Variants in GNS observed in about 807,000 individuals in gnomAD.
GNS encodes the protein N-acetylglucosamine-6-sulfatase.
A neutral mutation model predicts 69.7 loss-of-function variants in GNS; 40 were observed. The observed-to-expected ratio is 0.57, with a 90% CI of 0.45 to 0.75. The LOEUF (loss-of-function observed/expected upper bound fraction) is 0.75, where lower values mean the gene tolerates loss of function less well. Among genes scored for constraint, GNS ranks in the 30% least tolerant of loss-of-function variants. The pLI is 0.00. For missense variants in GNS, 565 were observed against 685.5 expected, an observed-to-expected ratio of 0.82 and a Z score of 1.96; for synonymous variants, 243 against 251.6, an observed-to-expected ratio of 0.97 and a Z score of 0.32.
Position 64,740,633 on chromosome 12 carries a change from T to C in GNS, c.848A>G (p.Gln283Arg). 6.3e-7 allele frequency: 1 copy of C among 1,577,306 alleles called. No homozygotes were observed. The highest frequency in any genetic ancestry group is 8.7e-7 in the Non-Finnish European group (1 of 1,146,610). Reference sequence around the variant, plus strand: ...TTTCCTAAATGCATTATCTAAAAACTGTATTGAAGAATTAGTCATTGGAGT... The same window carrying C: ...TTTCCTAAATGCATTATCTAAAAACCGTATTGAAGAATTAGTCATTGGAGT... ...AKTPMTNSSI[Q>R]FLDNAFRKRW... Residue 283 changes from glutamine to arginine, a missense_variant, in exon 7 of 14, where the codon CAG becomes CGG. Transcript: ENST00000258145.
intron 9 of GNS, among the ~76,000 whole-genome samples, 155 bp downstream of exon 9, chr12:64,736,848 GA>G (rs1192840057): frequency 4.1e-5 from 6 of 147,634 alleles, no homozygotes; most frequent in Admixed American, 2.7e-4. Context: ...GGAAGTTAAG[GA>G]AAAAAAAAAG....
At chr12:64,727,714 C>A (rs1053264343) in intron 10 of GNS, among the ~76,000 whole-genome samples, 1 of 152,062 alleles carries the variant, frequency 6.6e-6, no homozygotes, top group South Asian at 2.1e-4. Context: ...AAAGAAGATT[C>A]ATGGTGGGAA....
chr12:64,740,616 A>G lies in GNS; in HGVS notation c.865T>C (p.Phe289Leu), dbSNP rs759913513. Residue 289 changes from phenylalanine to leucine, a missense_variant, in exon 7 of 14, where the codon TTT becomes CTT. Physicochemically the swap from Phe to Leu is conservative, Grantham distance 22. Coordinates refer to ENST00000258145, the MANE Select transcript of GNS (RefSeq NM_002076.4). ...AGCAGCAGCTCTTACCTTTTCCTAA[A>G]TGCATTATCTAAAAACTGTATTGAA... ...NSSIQFLDNA[F>L]RKRWQTLLSV... is the part of the protein sequence containing the mutation. 3 of 1,538,366 alleles carry G rather than the reference A, an allele frequency of 2.0e-6. No individual in the cohort carries two copies. The highest frequency in any genetic ancestry group is 1.8e-6 in the Non-Finnish European group (2 of 1,110,842).
chr12:64,757,025 A>T (rs1870272687), intron 1 of GNS, among the ~76,000 whole-genome samples: 1 of 152,142 alleles, frequency 6.6e-6, no homozygotes. Flanking sequence ...CAAAATATTT[A>T]AAAATTAGCT....
At chr12:64,729,390 T>C (rs997762958) in intron 9 of GNS, among the ~76,000 whole-genome samples, 1 of 152,238 alleles carries the variant, frequency 6.6e-6, no homozygotes, top group Non-Finnish European at 1.5e-5. Context: ...GTTGGTCTAA[T>C]TATTTTATAC....
At chr12:64,730,556 T>G (rs1869357314) in intron 9 of GNS, among the ~76,000 whole-genome samples, 1 of 149,952 alleles carries the variant, frequency 6.7e-6, no homozygotes, top group South Asian at 2.2e-4. Flanking sequence ...TTAGTCTAAC[T>G]CTGCAGCTGT....
chr12:64,754,591 A>T (rs1377804848), intron 1 of GNS, among the ~76,000 whole-genome samples: 1 of 152,088 alleles, frequency 6.6e-6, no homozygotes, highest in African/African-American at 2.4e-5. Context: ...AGGGCCACAT[A>T]GGAATTTAGA....
At chr12:64,755,100 C>T (rs1453186892) in intron 1 of GNS, among the ~76,000 whole-genome samples, 1 of 152,002 alleles carries the variant, frequency 6.6e-6, no homozygotes, top group East Asian at 1.9e-4. Flanking sequence ...TAAGGCCATG[C>T]AACAGTCTTT....
At position 64,728,950 on chromosome 12, in the gene GNS, A is replaced by G. The variant is rs761713372; in HGVS notation, c.1200+6T>C. Reference sequence around the variant, plus strand: ...GCTCAGGCCTGATTGAGGGCGCTATACTTACCAAAATGGGCAATAAGGACA... The same window carrying G: ...GCTCAGGCCTGATTGAGGGCGCTATGCTTACCAAAATGGGCAATAAGGACA... On this transcript the variant is annotated splice_donor_region_variant and intron_variant, in intron 10 of 13. Transcript: ENST00000258145. The G allele has an allele frequency of 3.6e-6, 5 of 1,392,082 alleles. No individual in the cohort carries two copies. In the South Asian group the frequency reaches 5.8e-5, roughly 16 times the overall value. 86.2% of individuals were successfully genotyped at this position (1,392,082 alleles called of 1,614,324 possible).
intron 11 of GNS, among the ~76,000 whole-genome samples, chr12:64,721,958 T>C (rs763670719): frequency 6.6e-6 from 1 of 152,132 alleles, no homozygotes; most frequent in Admixed American, 6.5e-5. Flanking sequence ...CTGACAATAA[T>C]TACTTAAAAT....
In GNS at chr12:64,756,761, G is replaced by A. The variant is rs7139322; in HGVS notation, c.192+2324C>T. On this transcript the variant is annotated intron_variant, in intron 1 of 13. Transcript: ENST00000258145. ...ATTAGTGGTAGAATATTCTGAAAAA[G>A]CCTAGAAGAGAAGCCAGAATTCTTG... 10 of 1,483,156 alleles carry A rather than the reference G, an allele frequency of 6.7e-6. No individual in the cohort carries two copies. The Admixed American group carries it at 9.8e-5, about 15-fold the overall frequency. The allele number at this position is 1,483,156 out of a possible 1,614,324, so 91.9% of individuals were successfully genotyped here.
chr12:64,728,165 T>C (rs1456879632), intron 10 of GNS, among the ~76,000 whole-genome samples: 1 of 152,166 alleles, frequency 6.6e-6, no homozygotes, highest in African/African-American at 2.4e-5. Flanking sequence ...CTTCAGGTGA[T>C]CCACCCACCT....
chr12:64,734,989 T>C (rs1409908981), intron 9 of GNS, among the ~76,000 whole-genome samples: 1 of 152,126 alleles, frequency 6.6e-6, no homozygotes, highest in Non-Finnish European at 1.5e-5. Context: ...CAGGTACCTA[T>C]AGTCCTAGCT....
At chr12:64,757,520 A>G (rs1870289904) in intron 1 of GNS, among the ~76,000 whole-genome samples, 2 of 152,324 alleles carry the variant, frequency 1.3e-5, no homozygotes, top group Admixed American at 6.5e-5. Context: ...ATTAAGACCA[A>G]TGTCAACATG....
At position 64,759,354 on chromosome 12, in the gene GNS, C is replaced by A; in HGVS notation, c.-78G>T. 1 of 982,446 alleles carries A rather than the reference C, an allele frequency of 1.0e-6. No individual in the cohort carries two copies. The highest frequency in any genetic ancestry group is 1.5e-6 in the Non-Finnish European group (1 of 685,362). The allele number at this position is 982,446 out of a possible 1,614,324, so 60.9% of individuals were successfully genotyped here. A position where few individuals can be genotyped will look rare whatever the true frequency, so the allele number is the denominator to read the frequency against. On this transcript the variant is annotated 5_prime_UTR_variant, in exon 1 of 14. Transcript: ENST00000258145. ...AGGTAGCTGAAGGGCGAGAGGCCGA[C>A]CAGCCGAAGGAATAAAAAGCCGTGC...
intron 2 of GNS, among the ~76,000 whole-genome samples, 182 bp downstream of exon 2, chr12:64,752,516 A>T (rs1870111168): frequency 6.6e-6 from 1 of 152,228 alleles, no homozygotes; most frequent in South Asian, 2.1e-4. Context: ...ATCTGCAATT[A>T]ATCTTCAATT....
chr12:64,725,470 T>C (rs1447582627), intron 10 of GNS, among the ~76,000 whole-genome samples: 4 of 152,204 alleles, frequency 2.6e-5, no homozygotes, highest in East Asian at 1.9e-4. Flanking sequence ...ACTGAGCACA[T>C]GATGTGCAGC....
In GNS at chr12:64,716,353, A is replaced by C. The variant is rs1868857443; in HGVS notation, c.*388T>G. 1 of 290,126 alleles carries C rather than the reference A, an allele frequency of 3.4e-6. No individual in the cohort carries two copies. The highest frequency in any genetic ancestry group is 2.2e-5 in the African/African-American group (1 of 46,480). 18.0% of individuals were successfully genotyped at this position (290,126 alleles called of 1,614,324 possible). ...GACTTTAGGTCAAGCTTACATATCA[A>C]AAGGTGTGTCTGTGTGTTTGTGTGT... On this transcript the variant is annotated 3_prime_UTR_variant, in exon 14 of 14. Transcript: ENST00000258145.
Position 64,745,045 on chromosome 12 carries a change from A to G in GNS, c.526-138T>C, listed in dbSNP as rs960618518. 1.4e-4 allele frequency: 93 copies of G among 648,988 alleles called. No individual in the cohort carries two copies. The African/African-American group carries it at 1.6e-3, about 11-fold the overall frequency. 40.2% of individuals were successfully genotyped at this position (648,988 alleles called of 1,614,324 possible). On this transcript the variant is annotated intron_variant, in intron 4 of 13. Transcript: ENST00000258145. ...ATTACTCAAGTCAATACTGAATTGG[A>G]TTTTTTGACTAGGGTTTTATTAAAG...
Sources: gnomAD v4.1 joint callset for allele counts (sites outside exome capture counted in the v4.1 genomes callset) on GRCh38, gnomAD v4.1.1 for gene constraint, MANE v1.5 for transcripts, NCBI Gene and HGNC (gene_info 2026-07-23, HGNC 2026-07-21) for gene names.